Variants in FAM76B observed in about 807,000 individuals in gnomAD.
The protein encoded by FAM76B is protein FAM76B.
FAM76B carries 16 observed loss-of-function variants against 51.8 expected under a neutral mutation model. That is an observed-to-expected ratio of 0.31 (90% CI 0.21 to 0.47). The LOEUF (loss-of-function observed/expected upper bound fraction) is 0.47. Ranked by LOEUF, FAM76B falls within the 20% of genes least tolerant of loss-of-function variation. The pLI is 1.00. For synonymous variants in FAM76B, 166 were observed against 129.5 expected, an observed-to-expected ratio of 1.28 and a Z score of -1.91; for missense variants, 342 against 392.6, an observed-to-expected ratio of 0.87 and a Z score of 1.09.
rs1010228327 is a variant in FAM76B, at chr11:95,770,573, T to C, written c.*988A>G. On this transcript the variant is annotated 3_prime_UTR_variant, in exon 10 of 10. Transcript: ENST00000358780. ...AAGCCACATGACATAAAAAATAAAA[T>C]TACTCTTTAAGAAGCAACTTAAAAT... 1 of 151,646 alleles carries C rather than the reference T, an allele frequency of 6.6e-6. No individual in the cohort carries two copies. The highest frequency in any genetic ancestry group is 1.5e-5 in the Non-Finnish European group (1 of 67,460). 9.4% of individuals were successfully genotyped at this position (151,646 alleles called of 1,614,324 possible).
chr11:95,769,852 T>C lies in FAM76B; in HGVS notation c.*1709A>G, dbSNP rs148791712. ...TCTAACTGAATCTTTTTGTATCACT[T>C]GAAAATTACCCTATATTATGCTTTC... On this transcript the variant is annotated 3_prime_UTR_variant, in exon 10 of 10. Coordinates refer to ENST00000358780, the MANE Select transcript of FAM76B (RefSeq NM_144664.5). The C allele has an allele frequency of 6.6e-6, 1 of 151,722 alleles. No individual in the cohort carries two copies. The highest frequency in any genetic ancestry group is 2.4e-5 in the African/African-American group (1 of 41,500). The allele number at this position is 151,722 out of a possible 1,614,324, so 9.4% of individuals were successfully genotyped here.
chr11:95,787,703 C>G, intron 2 of FAM76B, 25 bp from the exon 3 acceptor site: 1 of 1,560,654 alleles, frequency 6.4e-7, no homozygotes. Context: ...GTATATAGAT[C>G]ATGTTTATGT....
At chr11:95,772,173 T>G (rs924557818) in intron 9 of FAM76B, among the ~76,000 whole-genome samples, 2 of 151,108 alleles carry the variant, frequency 1.3e-5, no homozygotes, top group African/African-American at 4.8e-5. Context: ...CTTTGCCAAA[T>G]GCACCCAATG....
At chr11:95,775,877 T>C in intron 9 of FAM76B, 45 bp downstream of exon 9, 1 of 1,333,204 alleles carries the variant, frequency 7.5e-7, no homozygotes, top group Non-Finnish European at 1.0e-6. Context: ...ATTACTCAAG[T>C]TTAGCCCTTC....
intron 7 of FAM76B, 120 bp downstream of exon 7, chr11:95,779,487 G>A: frequency 1.1e-6 from 1 of 878,410 alleles, no homozygotes; most frequent in South Asian, 2.0e-5. Flanking sequence ...ATTCTTCTAG[G>A]TGACTCAAGT....
In FAM76B at chr11:95,789,474, GC is replaced by G; in HGVS notation, c.4del (p.Ala2ArgfsTer37). 6.2e-7 allele frequency: 1 copy of G among 1,603,542 alleles called. No homozygotes were observed. The highest frequency in any genetic ancestry group is 8.5e-7 in the Non-Finnish European group (1 of 1,175,636). On this transcript the variant is annotated frameshift_variant, in exon 1 of 10. Coordinates refer to ENST00000358780, the MANE Select transcript of FAM76B (RefSeq NM_144664.5). LOFTEE classifies it high-confidence loss of function. Reference sequence around the variant, plus strand: ...GGTGCAGGCGTACAGGGCCGAGGCCGCCATCCTGCTCCTCAGTCTCCTCCTC... The same window carrying G: ...GGTGCAGGCGTACAGGGCCGAGGCCGCATCCTGCTCCTCAGTCTCCTCCTC... M[A>X]ASALYACTKC...
At chr11:95,775,092 T>A (rs1423688233) in intron 9 of FAM76B, among the ~76,000 whole-genome samples, 2 of 151,350 alleles carry the variant, frequency 1.3e-5, no homozygotes, top group Non-Finnish European at 3.0e-5. Flanking sequence ...TGTGCTGCCA[T>A]CTTCCATTAA....
intron 3 of FAM76B, 111 bp downstream of exon 3, chr11:95,787,513 T>G: frequency 9.8e-7 from 1 of 1,021,074 alleles, no homozygotes; most frequent in South Asian, 1.4e-5. Flanking sequence ...GTGCTGGGAT[T>G]ACAGGCGTGA....
At position 95,771,507 on chromosome 11, in the gene FAM76B, A is replaced by AT. The variant is rs568874939; in HGVS notation, c.*53dup. ...ACACAGAATTTAAGGGCTTCACAGA[A>AT]TTTTTTTTCCCCAAATTTACATTGT... On this transcript the variant is annotated 3_prime_UTR_variant, in exon 10 of 10. Coordinates refer to ENST00000358780, the MANE Select transcript of FAM76B (RefSeq NM_144664.5). 3.2e-4 allele frequency: 473 copies of AT among 1,462,100 alleles called. 3 individuals carry two copies. In the African/African-American group the frequency reaches 5.9e-3, roughly 18 times the overall value. The allele number at this position is 1,462,100 out of a possible 1,614,324, so 90.6% of individuals were successfully genotyped here. A position where few individuals can be genotyped will look rare whatever the true frequency, so the allele number is the denominator to read the frequency against.
intron 4 of FAM76B, among the ~76,000 whole-genome samples, chr11:95,784,553 AGTGTGT>A (rs1379587936): frequency 6.7e-6 from 1 of 148,602 alleles, no homozygotes; most frequent in African/African-American, 2.5e-5. Flanking sequence ...ATTAATCGAC[AGTGTGT>A]GTGTGTATAT....
In FAM76B at chr11:95,789,646, A is replaced by ACCGTCTCCCTCCGCCT. The variant is rs1177444003; in HGVS notation, c.-184_-169dup. On this transcript the variant is annotated 5_prime_UTR_variant, in exon 1 of 10. Transcript: ENST00000358780. ...AGCCCAGGGCCCCGCGGACGACGCC[A>ACCGTCTCCCTCCGCCT]CCGTCTCCCTCCGCCTCCACTTCCG... The ACCGTCTCCCTCCGCCT allele has an allele frequency of 1.9e-6, 1 of 539,614 alleles. No individual in the cohort carries two copies. The highest frequency in any genetic ancestry group is 3.2e-6 in the Non-Finnish European group (1 of 314,618). The allele number at this position is 539,614 out of a possible 1,614,324, so 33.4% of individuals were successfully genotyped here.
At position 95,788,583 on chromosome 11, in the gene FAM76B, TAGTC is replaced by T. The variant is rs774213801; in HGVS notation, c.88-24_88-21del. On this transcript the variant is annotated intron_variant, in intron 1 of 9. Transcript: ENST00000358780. ...ACATTCCTGTAATAAGACAATACAT[TAGTC>T]AGTATCTTTCTGAAAGTCCCAAATC... The T allele has an allele frequency of 6.4e-5, 102 of 1,597,544 alleles. No individual in the cohort carries two copies. In the Admixed American group the frequency reaches 1.5e-3, roughly 23 times the overall value.
chr11:95,771,553 T>G lies in FAM76B; in HGVS notation c.*8A>C. The G allele has an allele frequency of 6.3e-7, 1 of 1,599,028 alleles. No homozygotes were observed. The highest frequency in any genetic ancestry group is 1.1e-5 in the South Asian group (1 of 90,074). On this transcript the variant is annotated 3_prime_UTR_variant, in exon 10 of 10. Coordinates refer to ENST00000358780, the MANE Select transcript of FAM76B (RefSeq NM_144664.5). Reference sequence around the variant, plus strand: ...ATTGTAAGAAGAAATGCTAAACAAATGACTTTCTCAAGGAGATGTTAGTAT... The same window carrying G: ...ATTGTAAGAAGAAATGCTAAACAAAGGACTTTCTCAAGGAGATGTTAGTAT...
chr11:95,787,204 T>C (rs1420195940), intron 3 of FAM76B, among the ~76,000 whole-genome samples: 1 of 152,214 alleles, frequency 6.6e-6, no homozygotes, highest in African/African-American at 2.4e-5. Flanking sequence ...TTTCATAAAA[T>C]ATGGTATGTT....
intron 9 of FAM76B, among the ~76,000 whole-genome samples, chr11:95,773,442 TC>T (rs1480043516): frequency 5.5e-5 from 7 of 128,046 alleles, no homozygotes; most frequent in Admixed American, 1.7e-4. Flanking sequence ...TAAAATTACT[TC>T]ATTTTGCAGC....
intron 5 of FAM76B, among the ~76,000 whole-genome samples, chr11:95,781,228 T>C (rs1442490218): frequency 1.3e-5 from 2 of 152,054 alleles, no homozygotes; most frequent in East Asian, 1.9e-4. Context: ...CTGAGGGTTG[T>C]CCATTCCTAG....
In FAM76B at chr11:95,785,134, A is replaced by G. The variant is rs568784353; in HGVS notation, c.363+985T>C. Among the ~76,000 whole-genome samples, 48 of 152,334 alleles carry G rather than the reference A, an allele frequency of 3.2e-4. 1 individual carries two copies. The South Asian group carries it at 8.3e-3, about 26-fold the overall frequency. Reference sequence around the variant, plus strand: ...TAAAGACCACATTCATATAACTGTAACTAGGGTATGCTAATATAATTGTTC... The same window carrying G: ...TAAAGACCACATTCATATAACTGTAGCTAGGGTATGCTAATATAATTGTTC... On this transcript the variant is annotated intron_variant, in intron 4 of 9. Coordinates refer to ENST00000358780, the MANE Select transcript of FAM76B (RefSeq NM_144664.5).
rs189451665 is a variant in FAM76B at position 95,776,210 on chromosome 11, A to T, written c.829-187T>A. 2.8e-3 allele frequency among the ~76,000 whole-genome samples: 426 copies of T among 151,580 alleles called. 3 individuals are homozygous for T. Among genetic ancestry groups the T allele is most frequent in the Non-Finnish European group, 5.1e-3 (344 of 67,542 alleles). ...TGATGAAGTCTATCTGCTTCACAAT[A>T]GTATAATTTTAATGTTAATACCTGA... On this transcript the variant is annotated intron_variant, in intron 8 of 9. Coordinates refer to ENST00000358780, the MANE Select transcript of FAM76B (RefSeq NM_144664.5).
chr11:95,779,763 C>T (rs1284287829), intron 6 of FAM76B, 76 bp from the exon 7 acceptor site: 3 of 1,565,744 alleles, frequency 1.9e-6, no homozygotes, highest in Non-Finnish European at 2.6e-6. Context: ...TCATCTTCCC[C>T]TAAAATATTA....
Sources: gnomAD v4.1 joint callset for allele counts (sites outside exome capture counted in the v4.1 genomes callset) on GRCh38, gnomAD v4.1.1 for gene constraint, MANE v1.5 for transcripts, NCBI Gene and HGNC (gene_info 2026-07-23, HGNC 2026-07-21) for gene names.